Variants in VPS8 observed in about 807,000 individuals in gnomAD.
VPS8 encodes the protein VPS8 subunit of CORVET complex.
VPS8 carries 129 observed loss-of-function variants against 216.4 expected under a neutral mutation model. The ratio of observed to expected loss-of-function variants is 0.60; its 90% CI spans 0.52 to 0.69. The LOEUF is 0.69. Ranked by LOEUF, VPS8 falls within the 30% of genes least tolerant of loss-of-function variation. The probability of loss-of-function intolerance (pLI) is 0.00; values close to 1 mark genes in which losing one functional copy is unlikely to be tolerated. For synonymous variants in VPS8, 571 were observed against 565.4 expected, an observed-to-expected ratio of 1.01 and a Z score of -0.14; for missense variants, 1,531 against 1,683.5, an observed-to-expected ratio of 0.91 and a Z score of 1.59.
chr3:184,852,389 C>A (rs1724463377), intron 10 of VPS8, 111 bp from the exon 11 acceptor site: 1 of 854,792 alleles, frequency 1.2e-6, no homozygotes, highest in South Asian at 1.8e-5. Flanking sequence ...TAGGTTATTT[C>A]AAAAGCTATT....
chr3:184,986,089 A>G (rs1044257993), intron 42 of VPS8, among the ~76,000 whole-genome samples: 2 of 152,210 alleles, frequency 1.3e-5, no homozygotes, highest in African/African-American at 4.8e-5. Context: ...TTATGGCTAT[A>G]TATGACCAAA....
chr3:184,844,951 G>C (rs1722850533), intron 8 of VPS8, among the ~76,000 whole-genome samples: 1 of 152,218 alleles, frequency 6.6e-6, no homozygotes, highest in African/African-American at 2.4e-5. Context: ...AAGTTTATAA[G>C]AAAGGTGATA....
intron 45 of VPS8, among the ~76,000 whole-genome samples, chr3:185,023,805 T>C (rs1490917555): frequency 6.6e-6 from 1 of 152,248 alleles, no homozygotes; most frequent in African/African-American, 2.4e-5. Flanking sequence ...ATTTATCTAA[T>C]CTAAAATCTC....
intron 39 of VPS8, among the ~76,000 whole-genome samples, chr3:184,970,812 G>C (rs551227537): frequency 7.2e-5 from 11 of 152,318 alleles, no homozygotes; most frequent in African/African-American, 2.6e-4. Context: ...AGATTGGGAT[G>C]CCAAAAGTTC....
At chr3:184,942,226 T>C (rs1344915805) in intron 36 of VPS8, among the ~76,000 whole-genome samples, 1 of 152,236 alleles carries the variant, frequency 6.6e-6, no homozygotes, top group Non-Finnish European at 1.5e-5. Flanking sequence ...TTCTTACCTA[T>C]ATCTAGATTT....
At chr3:184,929,739 A>G in intron 33 of VPS8, 75 bp downstream of exon 33, 1 of 897,798 alleles carries the variant, frequency 1.1e-6, no homozygotes, top group Non-Finnish European at 1.6e-6. Context: ...ACTGTTGAGT[A>G]GAAATATTTG....
At chr3:184,943,440 AAGGATTAG>A (rs1361619933) in intron 36 of VPS8, among the ~76,000 whole-genome samples, 1 of 152,200 alleles carries the variant, frequency 6.6e-6, no homozygotes, top group African/African-American at 2.4e-5. Context: ...ACCTAAAGTA[AAGGATTAG>A]AGTCTTTTCA....
At position 184,879,950 on chromosome 3, in the gene VPS8, G is replaced by A. The variant is rs150349010; in HGVS notation, c.1735-6160G>A. The stretch of plus-strand genomic sequence containing the variant: ...TAACTAATACTCTGTTTTACTTATG[G>A]TTTTAAATGTTCTAAATTGATAAAG... On this transcript the variant is annotated intron_variant, in intron 21 of 47. Coordinates refer to ENST00000625842, the MANE Select transcript of VPS8 (RefSeq NM_001009921.3). Among the ~76,000 whole-genome samples the A allele has an allele frequency of 1.6e-4, 24 of 152,328 alleles. No homozygotes were observed. The East Asian group carries it at 4.6e-3, about 29-fold the overall frequency.
chr3:185,024,406 G>A lies in VPS8; in HGVS notation c.4056+17G>A. On this transcript the variant is annotated intron_variant, in intron 46 of 47. Transcript: ENST00000625842. ...GCTAAAAAGGTGAGTTTGTTTTAAA[G>A]GCAAAAAACCAGTTCTTCCTTCTGT... 2 of 1,585,564 alleles carry A rather than the reference G, an allele frequency of 1.3e-6. No individual in the cohort carries two copies. The highest frequency in any genetic ancestry group is 1.7e-6 in the Non-Finnish European group (2 of 1,164,452).
At chr3:185,001,366 TA>T (rs1204052136) in intron 45 of VPS8, among the ~76,000 whole-genome samples, 3 of 152,164 alleles carry the variant, frequency 2.0e-5, no homozygotes, top group African/African-American at 4.8e-5. Context: ...TGAGGTTCCA[TA>T]ATTCACTAGG....
At chr3:184,815,851 T>C (rs1716211071) in intron 1 of VPS8, 1 of 151,226 alleles carries the variant, frequency 6.6e-6, no homozygotes. Context: ...AAATCTCTCA[T>C]GACTCTATAT....
chr3:184,836,390 AC>A (rs1721094874), intron 5 of VPS8: 1 of 443,304 alleles, frequency 2.3e-6, no homozygotes, highest in African/African-American at 2.0e-5. Flanking sequence ...CATTTGACCC[AC>A]CTGTGCAGTT....
intron 1 of VPS8, among the ~76,000 whole-genome samples, chr3:184,823,056 A>G (rs556433613): frequency 2.0e-5 from 3 of 152,354 alleles, no homozygotes; most frequent in South Asian, 4.1e-4. Flanking sequence ...TCCATGATTT[A>G]TACAAGGTAA....
intron 16 of VPS8, 127 bp from the exon 17 acceptor site, chr3:184,866,749 C>T (rs1386399680): frequency 2.5e-6 from 2 of 804,002 alleles, no homozygotes; most frequent in South Asian, 1.9e-5. Flanking sequence ...ATAAGTTACA[C>T]ATTGTAAACT....
chr3:184,898,661 T>C lies in VPS8; in HGVS notation c.2094+7T>C. On this transcript the variant is annotated splice_region_variant and intron_variant, in intron 24 of 47. Transcript: ENST00000625842. ...ATTTATTAGTCCAATGGAGGTAAGATACTTCCTAACTTGGATACGTAATTA... is the reference window on the plus strand; with the variant it reads ...ATTTATTAGTCCAATGGAGGTAAGACACTTCCTAACTTGGATACGTAATTA... 1 of 1,538,934 alleles carries C rather than the reference T, an allele frequency of 6.5e-7. No homozygotes were observed. Among genetic ancestry groups the C allele is most frequent in the Non-Finnish European group, 8.8e-7 (1 of 1,141,998 alleles).
chr3:185,026,410 CT>C (rs3045678), intron 46 of VPS8, among the ~76,000 whole-genome samples: 48,384 of 118,972 alleles, frequency 0.41, 8,251 homozygotes, highest in East Asian at 0.61. Context: ...GGCTGTATTT[CT>C]TTTTTTTTTT....
intron 9 of VPS8, chr3:184,849,628 C>T (rs1560375389): frequency 3.2e-6 from 1 of 310,204 alleles, no homozygotes; most frequent in Non-Finnish European, 5.9e-6. Flanking sequence ...GGCAGTAAGC[C>T]TTTCCGATAC....
chr3:184,872,728 A>G (rs1189678356), intron 21 of VPS8, among the ~76,000 whole-genome samples: 2 of 152,146 alleles, frequency 1.3e-5, no homozygotes, highest in African/African-American at 2.4e-5. Flanking sequence ...AACAATCATA[A>G]TAATGATGAA....
At chr3:184,920,080 C>A in intron 28 of VPS8, 47 bp from the exon 29 acceptor site, 1 of 1,248,054 alleles carries the variant, frequency 8.0e-7, no homozygotes, top group South Asian at 1.5e-5. Context: ...TTTTCTTCTA[C>A]ATGTGCAAAT....
Sources: allele counts gnomAD v4.1 joint callset (sites outside exome capture counted in the v4.1 genomes callset), GRCh38; gene constraint gnomAD v4.1.1; transcripts MANE v1.5; gene names NCBI Gene and HGNC (gene_info 2026-07-23, HGNC 2026-07-21).